ZNF804B: variants seen among roughly 807,000 people sequenced by gnomAD.
ZNF804B encodes zinc finger protein 804B, also known as zinc finger 804B.
In ZNF804B, 80 loss-of-function variants were observed where a neutral mutation model predicts 101.4. That is an observed-to-expected ratio of 0.79 (90% CI 0.66 to 0.95). ZNF804B has a LOEUF of 0.95. Ranked by LOEUF, ZNF804B falls within the 40% of genes least tolerant of loss-of-function variation. The pLI, the probability that ZNF804B is intolerant of heterozygous loss-of-function variation, is 0.00. For missense variants in ZNF804B, 1,673 were observed against 1,561.9 expected (o/e 1.07, Z -1.20); for synonymous variants, 622 against 558.8 (o/e 1.11, Z -1.59).
At chr7:89,178,959 T>C (rs867519704) in intron 1 of ZNF804B, among the ~76,000 whole-genome samples, 1 of 152,118 alleles carries the variant, frequency 6.6e-6, no homozygotes, top group Admixed American at 6.5e-5. Context: ...GAGAAAATAT[T>C]TTTTCCTTCA....
At chr7:89,033,195 C>G (rs1186957297) in intron 1 of ZNF804B, among the ~76,000 whole-genome samples, 1 of 152,016 alleles carries the variant, frequency 6.6e-6, no homozygotes, top group Non-Finnish European at 1.5e-5. Flanking sequence ...GTTTTAGAAT[C>G]CATGTGTAAA....
chr7:89,004,782 A>G (rs1028117175), intron 1 of ZNF804B, among the ~76,000 whole-genome samples: 1 of 151,954 alleles, frequency 6.6e-6, no homozygotes, highest in Non-Finnish European at 1.5e-5. Flanking sequence ...AAGGAAGCTC[A>G]TGGAAAGAGA....
rs969607756 is a variant in ZNF804B, at chr7:88,853,312, T to C, written c.108+93228T>C. Among the ~76,000 whole-genome samples, 6 of 152,064 alleles carry C rather than the reference T, an allele frequency of 3.9e-5. No individual in the cohort carries two copies. The East Asian group carries it at 7.7e-4, about 20-fold the overall frequency. On this transcript the variant is annotated intron_variant, in intron 1 of 3. Coordinates refer to ENST00000333190, the MANE Select transcript of ZNF804B (RefSeq NM_181646.5). Reference sequence around the variant, plus strand: ...GAAGGGTGAATAAGGAGGAACACAATTGGAAGCAGAGTTAACAGAGTTGGC... The same window carrying C: ...GAAGGGTGAATAAGGAGGAACACAACTGGAAGCAGAGTTAACAGAGTTGGC...
chr7:88,901,532 G>A (rs1179439805), intron 1 of ZNF804B, among the ~76,000 whole-genome samples: 1 of 151,510 alleles, frequency 6.6e-6, no homozygotes, highest in African/African-American at 2.4e-5. Context: ...ATGGTTTTAG[G>A]CTTAACTAGA....
At chr7:88,900,635 A>G (rs1792374797) in intron 1 of ZNF804B, among the ~76,000 whole-genome samples, 1 of 150,374 alleles carries the variant, frequency 6.7e-6, no homozygotes, top group African/African-American at 2.4e-5. Context: ...AGGAGTATGC[A>G]GTATACTCCC....
chr7:89,185,274 T>C (rs1277194713), intron 1 of ZNF804B, among the ~76,000 whole-genome samples: 1 of 152,062 alleles, frequency 6.6e-6, no homozygotes, highest in Non-Finnish European at 1.5e-5. Flanking sequence ...GAAGGAAAAA[T>C]GTAGTTTGGA....
At chr7:89,134,192 C>T (rs931532548) in intron 1 of ZNF804B, among the ~76,000 whole-genome samples, 21 of 152,054 alleles carry the variant, frequency 1.4e-4, no homozygotes, top group Non-Finnish European at 2.2e-4. Flanking sequence ...CTTGTTTGAA[C>T]GTCATAAATA....
intron 2 of ZNF804B, among the ~76,000 whole-genome samples, chr7:89,283,190 A>T (rs1281446228): frequency 6.6e-6 from 1 of 152,164 alleles, no homozygotes; most frequent in Admixed American, 6.5e-5. Flanking sequence ...ATGTTGTCAT[A>T]AAAATTATTT....
At chr7:88,936,376 G>A (rs1792970542) in intron 1 of ZNF804B, among the ~76,000 whole-genome samples, 1 of 152,052 alleles carries the variant, frequency 6.6e-6, no homozygotes. Context: ...ATAGACAGAT[G>A]ATCAAAGCAA....
intron 1 of ZNF804B, among the ~76,000 whole-genome samples, chr7:88,954,594 T>C (rs1007335476): frequency 6.6e-6 from 1 of 151,286 alleles, no homozygotes; most frequent in African/African-American, 2.4e-5. Flanking sequence ...AGATATTTAA[T>C]GCACCTGCTG....
At chr7:89,162,020 T>C (rs1240040049) in intron 1 of ZNF804B, among the ~76,000 whole-genome samples, 1 of 152,176 alleles carries the variant, frequency 6.6e-6, no homozygotes, top group African/African-American at 2.4e-5. Flanking sequence ...TTAGGATTTG[T>C]CATATGATAT....
At chr7:88,884,995 G>A (rs17576348) in intron 1 of ZNF804B, among the ~76,000 whole-genome samples, 62,455 of 151,098 alleles carry the variant, frequency 0.41, 14,858 homozygotes, top group African/African-American at 0.65. Flanking sequence ...TTGAGCTTAA[G>A]GTGCTCCCGA....
At chr7:88,773,697 G>T (rs1790102581) in intron 1 of ZNF804B, among the ~76,000 whole-genome samples, 1 of 152,168 alleles carries the variant, frequency 6.6e-6, no homozygotes, top group South Asian at 2.1e-4. Context: ...AGGTAGCATG[G>T]TGCTGGCATC....
At chr7:88,821,799 T>G (rs1790985819) in intron 1 of ZNF804B, among the ~76,000 whole-genome samples, 2 of 152,196 alleles carry the variant, frequency 1.3e-5, no homozygotes, top group Non-Finnish European at 2.9e-5. Context: ...CGTAACATAG[T>G]TCATCTTATA....
intron 2 of ZNF804B, among the ~76,000 whole-genome samples, chr7:89,298,046 GTTTC>G (rs1442998762): frequency 7.0e-6 from 1 of 142,104 alleles, no homozygotes; most frequent in African/African-American, 2.6e-5. Context: ...TATGTCTGCA[GTTTC>G]TTTTTCTTCA....
chr7:89,033,428 T>C (rs2116235065), intron 1 of ZNF804B, among the ~76,000 whole-genome samples: 1 of 152,258 alleles, frequency 6.6e-6, no homozygotes, highest in African/African-American at 2.4e-5. Context: ...AACATAGGGG[T>C]GCAGTCATCA....
chr7:89,102,375 A>G (rs1790068561), intron 1 of ZNF804B, among the ~76,000 whole-genome samples: 1 of 151,928 alleles, frequency 6.6e-6, no homozygotes, highest in Admixed American at 6.6e-5. Flanking sequence ...ACTTTTTAAT[A>G]AAAACCATTA....
At chr7:88,941,699 C>T (rs1793056864) in intron 1 of ZNF804B, among the ~76,000 whole-genome samples, 1 of 151,904 alleles carries the variant, frequency 6.6e-6, no homozygotes, top group Non-Finnish European at 1.5e-5. Context: ...TGTCATTATA[C>T]ATTCGTCAAA....
intron 1 of ZNF804B, among the ~76,000 whole-genome samples, chr7:89,160,530 C>G (rs1170562908): frequency 6.6e-6 from 1 of 152,100 alleles, no homozygotes; most frequent in Non-Finnish European, 1.5e-5. Context: ...AACATTTAAG[C>G]TGATTAGTAA....
Sources: gnomAD v4.1 joint callset for allele counts (sites outside exome capture counted in the v4.1 genomes callset) on GRCh38, gnomAD v4.1.1 for gene constraint, MANE v1.5 for transcripts, NCBI Gene and HGNC (gene_info 2026-07-23, HGNC 2026-07-21) for gene names.